Variants in TBXAS1 observed in about 807,000 individuals in gnomAD.
The protein encoded by TBXAS1 is thromboxane A synthase 1.
TBXAS1 carries 48 observed loss-of-function variants against 60.7 expected under a neutral mutation model. The observed-to-expected ratio is 0.79, with a 90% CI of 0.63 to 1.01. The LOEUF (loss-of-function observed/expected upper bound fraction) is 1.01. Among genes scored for constraint, TBXAS1 ranks in the 50% least tolerant of loss-of-function variants. The probability of loss-of-function intolerance (pLI) is 0.00; values close to 1 mark genes in which losing one functional copy is unlikely to be tolerated. For synonymous variants in TBXAS1, 287 were observed against 269.7 expected, an observed-to-expected ratio of 1.06 and a Z score of -0.63; for missense variants, 685 against 686.3, an observed-to-expected ratio of 1.00 and a Z score of 0.02.
chr7:139,875,908 C>G lies in TBXAS1; in HGVS notation c.236+271C>G. ...AGCCTTGCTGGGCTGGGCACAGCAT[C>G]ATCTCCCGTTGCTGTGCTGAGGGGT... is the stretch of plus-strand genomic sequence containing the variant. On this transcript the variant is annotated intron_variant, in intron 3 of 12. Transcript: ENST00000448866. 7.8e-6 allele frequency: 4 copies of G among 512,052 alleles called. No homozygotes were observed. The South Asian group carries it at 8.3e-5, about 11-fold the overall frequency. 31.7% of individuals were successfully genotyped at this position (512,052 alleles called of 1,614,324 possible).
chr7:139,802,493 G>C (rs926368860), intron 4 of TBXAS1, among the ~76,000 whole-genome samples: 2 of 152,182 alleles, frequency 1.3e-5, no homozygotes, highest in Admixed American at 1.3e-4. Context: ...TTTTATAAAG[G>C]CCAGTTCCCG....
At chr7:139,821,892 G>A (rs1798309072) in intron 4 of TBXAS1, among the ~76,000 whole-genome samples, 1 of 152,224 alleles carries the variant, frequency 6.6e-6, no homozygotes, top group African/African-American at 2.4e-5. Context: ...CTTTCCCTTG[G>A]TCTTTCTGTG....
At chr7:139,959,118 T>C (rs1224476797) in intron 8 of TBXAS1, among the ~76,000 whole-genome samples, 1 of 152,174 alleles carries the variant, frequency 6.6e-6, no homozygotes, top group Non-Finnish European at 1.5e-5. Context: ...GGTGAGAGGT[T>C]ATTAAAGATC....
intron 4 of TBXAS1, among the ~76,000 whole-genome samples, chr7:139,823,054 G>A (rs1798340745): frequency 6.6e-6 from 1 of 151,696 alleles, no homozygotes; most frequent in Non-Finnish European, 1.5e-5. Context: ...ATGCCTTTGA[G>A]CAAGCGTCAG....
chr7:139,873,398 G>A (rs1055296802), intron 2 of TBXAS1, among the ~76,000 whole-genome samples: 6 of 152,248 alleles, frequency 3.9e-5, no homozygotes, highest in African/African-American at 1.2e-4. Context: ...ATAGGTTAGA[G>A]CTGTAGAACC....
chr7:139,951,841 A>AG (rs1569518326), intron 5 of TBXAS1, among the ~76,000 whole-genome samples: 3 of 22,208 alleles, frequency 1.4e-4, no homozygotes, highest in Non-Finnish European at 1.9e-4. Context: ...GAAAGAAAGA[A>AG]AGAAGGAAGG....
chr7:139,955,578 G>C lies in TBXAS1; in HGVS notation c.659G>C (p.Cys220Ser). The C allele has an allele frequency of 6.2e-7, 1 of 1,614,194 alleles. No homozygotes were observed. The highest frequency in any genetic ancestry group is 8.5e-7 in the Non-Finnish European group (1 of 1,180,042). ...VKHCKRFFEFCIPRPILVLLL... is the reference protein window; with the variant it reads ...VKHCKRFFEFSIPRPILVLLL... ...CACTGCAAGCGTTTCTTCGAATTCTGCATCCCCAGACCTATCCTGGTTTTA... is the reference window on the plus strand; with the variant it reads ...CACTGCAAGCGTTTCTTCGAATTCTCCATCCCCAGACCTATCCTGGTTTTA... Residue 220 changes from cysteine to serine, a missense_variant, in exon 7 of 13, where the codon TGC becomes TCC. Coordinates refer to ENST00000448866, the MANE Select transcript of TBXAS1 (RefSeq NM_001061.7).
At chr7:139,808,159 C>G (rs947144825) in intron 4 of TBXAS1, among the ~76,000 whole-genome samples, 1 of 151,426 alleles carries the variant, frequency 6.6e-6, no homozygotes, top group Non-Finnish European at 1.5e-5. Flanking sequence ...TGGCAAAATC[C>G]CATCTCTACA....
intron 4 of TBXAS1, among the ~76,000 whole-genome samples, chr7:139,817,834 G>A (rs1157976657): frequency 6.6e-6 from 1 of 152,224 alleles, no homozygotes; most frequent in Non-Finnish European, 1.5e-5. Context: ...TATAGAAAAT[G>A]AGCCAGGTTC....
chr7:139,896,788 G>C lies in TBXAS1; in HGVS notation c.237-14437G>C, dbSNP rs1437070006. On this transcript the variant is annotated intron_variant, in intron 3 of 12. Coordinates refer to ENST00000448866, the MANE Select transcript of TBXAS1 (RefSeq NM_001061.7). This position sits in a 1 kb window ranked among gnomAD's most constrained non-coding sequence, Gnocchi z 4.0. ...TGGAAACACAGGTATAAGAGGAATG[G>C]GGTGAGGAGAGAAGTCAGGAGCTCC... 1.3e-5 allele frequency among the ~76,000 whole-genome samples: 2 copies of C among 152,204 alleles called. No homozygotes were observed. The highest frequency in any genetic ancestry group is 6.5e-5 in the Admixed American group (1 of 15,282).
chr7:139,913,296 T>C, intron 4 of TBXAS1: 1 of 611,846 alleles, frequency 1.6e-6, no homozygotes, highest in Non-Finnish European at 3.0e-6. Context: ...GATTATTAAA[T>C]GCAGCTGTAG....
At chr7:139,955,686 G>A in intron 7 of TBXAS1, 79 bp downstream of exon 7, 1 of 1,596,396 alleles carries the variant, frequency 6.3e-7, no homozygotes, top group Non-Finnish European at 8.5e-7. Context: ...GGTGGCTTCT[G>A]GGGCTCTGTC....
intron 3 of TBXAS1, among the ~76,000 whole-genome samples, chr7:139,888,741 T>C (rs937360740): frequency 1.2e-4 from 18 of 151,970 alleles, no homozygotes; most frequent in African/African-American, 3.6e-4. Context: ...TTGGCTGAGA[T>C]AGAAAGAAGA....
chr7:139,926,701 T>C (rs543109070), intron 4 of TBXAS1, among the ~76,000 whole-genome samples: 2 of 152,094 alleles, frequency 1.3e-5, no homozygotes, highest in Non-Finnish European at 2.9e-5. Flanking sequence ...TTTAGTTCTC[T>C]AAGATGTATC....
At chr7:139,920,960 C>T (rs943168384) in intron 4 of TBXAS1, among the ~76,000 whole-genome samples, 3 of 152,240 alleles carry the variant, frequency 2.0e-5, no homozygotes, top group Admixed American at 6.5e-5. Context: ...GCTTCCATCA[C>T]ATGCACTGAA....
intron 9 of TBXAS1, among the ~76,000 whole-genome samples, chr7:139,984,614 AAG>A (rs748137753): frequency 0.088 from 5,757 of 65,434 alleles, 653 homozygotes; most frequent in African/African-American, 0.27. Context: ...ATAAGAAAGA[AAG>A]AGAGAGAGAG....
At chr7:139,936,098 A>T (rs1318906251) in intron 4 of TBXAS1, 93 bp from the exon 5 acceptor site, 4 of 1,168,686 alleles carry the variant, frequency 3.4e-6, no homozygotes, top group Non-Finnish European at 5.1e-6. Flanking sequence ...CCACTGATGG[A>T]CTTTAACCAG....
At chr7:139,929,664 C>T (rs892036839) in intron 4 of TBXAS1, among the ~76,000 whole-genome samples, 1 of 152,226 alleles carries the variant, frequency 6.6e-6, no homozygotes, top group Admixed American at 6.5e-5. Flanking sequence ...TCCGACTGCT[C>T]AGTCCAAAAC....
At chr7:139,952,768 G>A in intron 5 of TBXAS1, 1 of 1,393,890 alleles carries the variant, frequency 7.2e-7, no homozygotes, top group African/African-American at 1.5e-5. Context: ...GTGGGCATAG[G>A]AGGCATCTTG....
Sources: allele counts gnomAD v4.1 joint callset (sites outside exome capture counted in the v4.1 genomes callset), GRCh38; gene constraint gnomAD v4.1.1; non-coding constraint Gnocchi (gnomAD v3.1); transcripts MANE v1.5; gene names NCBI Gene and HGNC (gene_info 2026-07-23, HGNC 2026-07-21).